The following WRN variants were observed in gnomAD, a reference collection of about 807,000 sequenced individuals.
WRN encodes bifunctional 3'-5' exonuclease/ATP-dependent helicase WRN.
Under a neutral mutation model 180.7 loss-of-function variants are expected in WRN, and 149 were observed. The ratio of observed to expected loss-of-function variants is 0.82; its 90% CI spans 0.72 to 0.94. The LOEUF (loss-of-function observed/expected upper bound fraction) is 0.94. Ranked by LOEUF, WRN falls within the 40% of genes least tolerant of loss-of-function variation. The probability of loss-of-function intolerance (pLI) is 0.00; values close to 1 mark genes in which losing one functional copy is unlikely to be tolerated. For missense variants in WRN, 1,661 were observed against 1,700.1 expected, an observed-to-expected ratio of 0.98 and a Z score of 0.40; for synonymous variants, 548 against 568.9, an observed-to-expected ratio of 0.96 and a Z score of 0.52.
intron 1 of WRN, among the ~76,000 whole-genome samples, chr8:31,040,016 A>G (rs958971101): frequency 3.3e-5 from 5 of 152,206 alleles, no homozygotes; most frequent in African/African-American, 1.2e-4. Flanking sequence ...TTGAACCAAC[A>G]TTGTAGCAGC....
At position 31,116,411 on chromosome 8, in the gene WRN, A is replaced by T; in HGVS notation, c.2331A>T (p.Thr777=). 1 of 1,614,042 alleles carries T rather than the reference A, an allele frequency of 6.2e-7. No individual in the cohort carries two copies. The highest frequency in any genetic ancestry group is 1.3e-5 in the African/African-American group (1 of 75,048). Residue 777 remains threonine (T), a synonymous_variant, in exon 20 of 35, where the codon ACA becomes ACT. Coordinates refer to ENST00000298139, the MANE Select transcript of WRN (RefSeq NM_000553.6). ...TCTACTGTCCTTCTAGAAAAATGAC[A>T]CAACAAGTTACAGGTGAACTTAGGA... ...TIIYCPSRKM[T]QQVTGELRKL...
chr8:31,052,143 T>C (rs541908666), intron 1 of WRN, among the ~76,000 whole-genome samples: 172 of 152,340 alleles, frequency 1.1e-3, no homozygotes, highest in Non-Finnish European at 2.2e-3. Context: ...CTGGCCCTTG[T>C]TCTATAGTAT....
chr8:31,087,668 G>T, intron 11 of WRN, 108 bp from the exon 12 acceptor site: 1 of 1,158,720 alleles, frequency 8.6e-7, no homozygotes. Flanking sequence ...ACATCTGCCA[G>T]CTTTCGACAA....
At chr8:31,135,738 C>T (rs1238690491) in intron 24 of WRN, among the ~76,000 whole-genome samples, 1 of 152,146 alleles carries the variant, frequency 6.6e-6, no homozygotes, top group Admixed American at 6.5e-5. Context: ...ATGGCATTCA[C>T]AGTACAAAAA....
chr8:31,138,542 A>G (rs1223056992), intron 24 of WRN, among the ~76,000 whole-genome samples: 1 of 152,186 alleles, frequency 6.6e-6, no homozygotes, highest in Non-Finnish European at 1.5e-5. Flanking sequence ...TTCGATCTCT[A>G]GACTTGTTTA....
At chr8:31,102,593 T>G (rs1800920174) in intron 18 of WRN, among the ~76,000 whole-genome samples, 1 of 152,160 alleles carries the variant, frequency 6.6e-6, no homozygotes, top group Admixed American at 6.5e-5. Flanking sequence ...GTATCTAAAC[T>G]TATCTAATGT....
chr8:31,048,319 A>G (rs1811946348), intron 1 of WRN, among the ~76,000 whole-genome samples: 1 of 152,214 alleles, frequency 6.6e-6, no homozygotes, highest in South Asian at 2.1e-4. Flanking sequence ...TTCTTTAATT[A>G]GAGAATTTAA....
chr8:31,047,656 A>G (rs764277176), intron 1 of WRN, among the ~76,000 whole-genome samples: 1 of 152,208 alleles, frequency 6.6e-6, no homozygotes, highest in Admixed American at 6.5e-5. Flanking sequence ...GATGAATCCT[A>G]TAAAATTTTA....
chr8:31,146,057 C>A (rs1043234448), intron 28 of WRN, among the ~76,000 whole-genome samples: 1 of 151,882 alleles, frequency 6.6e-6, no homozygotes, highest in African/African-American at 2.4e-5. Context: ...TACCAGCCCA[C>A]ACTCTTCCCA....
rs536279745 is a variant in WRN, at chr8:31,173,297, G to A, written c.*195G>A. 21 of 599,276 alleles carry A rather than the reference G, an allele frequency of 3.5e-5. No individual in the cohort carries two copies. Among genetic ancestry groups the A allele is most frequent in the South Asian group, 3.4e-4 (17 of 50,738 alleles). The allele number at this position is 599,276 out of a possible 1,614,324, so 37.1% of individuals were successfully genotyped here. A position where few individuals can be genotyped will look rare whatever the true frequency, so the allele number is the denominator to read the frequency against. On this transcript the variant is annotated 3_prime_UTR_variant, in exon 35 of 35. Transcript: ENST00000298139. ...GTTTCTGGGTCTTCTGGGAGCCTAC[G>A]TGAGTACATCACCTAACAGAATATT...
chr8:31,095,600 T>C (rs560615544), intron 16 of WRN, among the ~76,000 whole-genome samples: 1 of 152,352 alleles, frequency 6.6e-6, no homozygotes, highest in Non-Finnish European at 1.5e-5. Flanking sequence ...ACAGTTTATG[T>C]ATTTTTCACA....
In WRN at chr8:31,058,548, GTTGT is replaced by G; in HGVS notation, c.96+7_96+10del. The G allele has an allele frequency of 1.2e-6, 2 of 1,612,808 alleles. No individual in the cohort carries two copies. Among genetic ancestry groups the G allele is most frequent in the Admixed American group, 1.7e-5 (1 of 60,006 alleles). On this transcript the variant is annotated splice_donor_region_variant and intron_variant, in intron 2 of 34. Transcript: ENST00000298139. The stretch of plus-strand genomic sequence containing the variant: ...TGTGCTGTAGAAGAAAGAAAGGTAT[GTTGT>G]TCATTGACTATTCTTTTGGGTGAGA...
intron 29 of WRN, 27 bp from the exon 30 acceptor site, chr8:31,147,337 A>C (rs370750182): frequency 1.1e-5 from 17 of 1,605,328 alleles, no homozygotes; most frequent in Non-Finnish European, 1.4e-5. Context: ...CACTTTAAAA[A>C]GTGTTGTTTC....
chr8:31,084,740 C>T (rs1003770350), intron 10 of WRN, among the ~76,000 whole-genome samples: 5 of 152,116 alleles, frequency 3.3e-5, no homozygotes, highest in Non-Finnish European at 5.9e-5. Flanking sequence ...ATATTACAGT[C>T]AGTAGTTTTT....
At chr8:31,090,438 A>C (rs1434587934) in intron 13 of WRN, 27 bp from the exon 14 acceptor site, 2 of 1,606,064 alleles carry the variant, frequency 1.2e-6, no homozygotes, top group Non-Finnish European at 1.7e-6. Flanking sequence ...AATAAAACAA[A>C]ATAGCTTTTT....
intron 32 of WRN, 53 bp from the exon 33 acceptor site, chr8:31,157,315 A>T: frequency 6.2e-7 from 1 of 1,608,566 alleles, no homozygotes; most frequent in Non-Finnish European, 8.5e-7. Flanking sequence ...TATTTCCATG[A>T]CTGGAGTGGA....
At chr8:31,055,496 G>C (rs1258147518) in intron 1 of WRN, among the ~76,000 whole-genome samples, 1 of 152,022 alleles carries the variant, frequency 6.6e-6, no homozygotes, top group Non-Finnish European at 1.5e-5. Context: ...AAAAAGATTT[G>C]TATTTCTCTA....
chr8:31,036,111 C>T (rs1432254036), intron 1 of WRN, among the ~76,000 whole-genome samples: 2 of 152,158 alleles, frequency 1.3e-5, no homozygotes, highest in African/African-American at 4.8e-5. Context: ...TGAGAACATG[C>T]GATATTTGTC....
At chr8:31,124,652 T>G in intron 22 of WRN, 29 bp downstream of exon 22, 4 of 1,525,306 alleles carry the variant, frequency 2.6e-6, no homozygotes, top group Middle Eastern at 1.7e-4. Context: ...ATGCCAATAG[T>G]ATGGATTTAT....
Sources: gnomAD v4.1 joint callset for allele counts (sites outside exome capture counted in the v4.1 genomes callset) on GRCh38, gnomAD v4.1.1 for gene constraint, MANE v1.5 for transcripts, NCBI Gene and HGNC (gene_info 2026-07-23, HGNC 2026-07-21) for gene names.